Variants in C7orf78 observed in about 807,000 individuals in gnomAD.
The protein encoded by C7orf78 is putative uncharacterized protein C7orf78.
the C7orf78 span, among the ~76,000 whole-genome samples, chr7:12,514,060 G>A: frequency 6.6e-6 from 1 of 152,112 alleles, no homozygotes; most frequent in African/African-American, 2.4e-5. Flanking sequence ...AAAATGTTCT[G>A]TAAATGCCTG....
chr7:12,504,031 TA>T, the C7orf78 span, among the ~76,000 whole-genome samples: 1 of 152,192 alleles, frequency 6.6e-6, no homozygotes, highest in Non-Finnish European at 1.5e-5. Flanking sequence ...TTATTTGTTT[TA>T]AAAAATGTCC....
At chr7:12,494,224 G>C in the C7orf78 span, among the ~76,000 whole-genome samples, 8 of 152,114 alleles carry the variant, frequency 5.3e-5, no homozygotes, top group African/African-American at 1.9e-4. Context: ...CATTTTGCCT[G>C]GGTCCTTTGG....
At chr7:12,503,860 A>G in the C7orf78 span, among the ~76,000 whole-genome samples, 1 of 152,162 alleles carries the variant, frequency 6.6e-6, no homozygotes, top group South Asian at 2.1e-4. Context: ...CTGTAATCCC[A>G]TCAATTTGGG....
At chr7:12,484,428 A>G in the C7orf78 span, among the ~76,000 whole-genome samples, 34,098 of 152,130 alleles carry the variant, frequency 0.22, 4,801 homozygotes, top group East Asian at 0.51. Flanking sequence ...CTAGTTTTCT[A>G]TCTCTGCAAC....
the C7orf78 span, chr7:12,506,099 C>G: frequency 6.6e-6 from 1 of 152,472 alleles, no homozygotes; most frequent in Non-Finnish European, 1.5e-5. Context: ...GAGATATCAT[C>G]TCACACCAGT....
the C7orf78 span, chr7:12,522,841 A>G: frequency 1.3e-5 from 5 of 395,592 alleles, no homozygotes; most frequent in East Asian, 1.1e-4. Flanking sequence ...TCCTCCATAC[A>G]TATTCCCTGT....
the C7orf78 span, among the ~76,000 whole-genome samples, chr7:12,520,864 T>A: frequency 6.6e-6 from 1 of 152,216 alleles, no homozygotes; most frequent in Non-Finnish European, 1.5e-5. Context: ...TATCTCTCCC[T>A]TTAGATCAAA....
At chr7:12,532,548 CAA>C in the C7orf78 span, among the ~76,000 whole-genome samples, 8 of 135,946 alleles carry the variant, frequency 5.9e-5, no homozygotes, top group Non-Finnish European at 6.3e-5. Flanking sequence ...GACTCTGTTT[CAA>C]AAAAAAAAAA....
chr7:12,533,874 C>T, the C7orf78 span, among the ~76,000 whole-genome samples: 1 of 152,160 alleles, frequency 6.6e-6, no homozygotes, highest in Non-Finnish European at 1.5e-5. Flanking sequence ...TTACTGCTGC[C>T]TGTAACACTA....
chr7:12,540,664 T>C, the C7orf78 span, among the ~76,000 whole-genome samples: 1 of 152,200 alleles, frequency 6.6e-6, no homozygotes, highest in Non-Finnish European at 1.5e-5. Context: ...AAAAATAAAT[T>C]TGACCGTTTG....
chr7:12,535,010 G>GGAAGGAAGGAAGGAAGGAAC, the C7orf78 span, among the ~76,000 whole-genome samples: 7 of 150,328 alleles, frequency 4.7e-5, no homozygotes, highest in East Asian at 2.0e-4. Flanking sequence ...AAGGAAGGAA[G>GGAAGGAAGGAAGGAAGGAAC]GAAGGAAGGA....
chr7:12,502,387 A>G, the C7orf78 span, among the ~76,000 whole-genome samples: 8 of 151,074 alleles, frequency 5.3e-5, no homozygotes, highest in African/African-American at 1.7e-4. Flanking sequence ...AATTTACAAG[A>G]AAAAAACAAA....
the C7orf78 span, among the ~76,000 whole-genome samples, chr7:12,537,909 T>C: frequency 1.3e-5 from 2 of 151,988 alleles, no homozygotes; most frequent in African/African-American, 4.8e-5. Flanking sequence ...GTACAATGTA[T>C]ATATATATAC....
chr7:12,494,948 C>A, the C7orf78 span, among the ~76,000 whole-genome samples: 2 of 152,176 alleles, frequency 1.3e-5, no homozygotes, highest in Non-Finnish European at 2.9e-5. Context: ...CAAACAACAC[C>A]TCCACGCACA....
chr7:12,510,657 T>A, the C7orf78 span, among the ~76,000 whole-genome samples: 1 of 152,178 alleles, frequency 6.6e-6, no homozygotes, highest in Admixed American at 6.5e-5. Flanking sequence ...TTTAGAGCAA[T>A]TTTTCATATA....
At chr7:12,541,120 G>T in the C7orf78 span, 1 of 152,160 alleles carries the variant, frequency 6.6e-6, no homozygotes, top group Admixed American at 6.5e-5. Context: ...GTTACCACAG[G>T]GATCAGAATC....
At chr7:12,519,413 A>G in the C7orf78 span, among the ~76,000 whole-genome samples, 1 of 152,188 alleles carries the variant, frequency 6.6e-6, no homozygotes, top group Non-Finnish European at 1.5e-5. Flanking sequence ...TTCTCTATAC[A>G]TAAATCCTAG....
At chr7:12,501,229 A>T in the C7orf78 span, among the ~76,000 whole-genome samples, 1 of 144,456 alleles carries the variant, frequency 6.9e-6, no homozygotes, top group Non-Finnish European at 1.5e-5. Context: ...AGTTCTGGCC[A>T]GGGCAATTAG....
the C7orf78 span, among the ~76,000 whole-genome samples, chr7:12,533,420 C>T: frequency 2.0e-5 from 3 of 151,642 alleles, no homozygotes; most frequent in Non-Finnish European, 2.9e-5. Flanking sequence ...AGGCTGGTCT[C>T]GAACTCCTGA....
Sources: allele counts gnomAD v4.1 joint callset (sites outside exome capture counted in the v4.1 genomes callset), GRCh38; gene constraint gnomAD v4.1.1; transcripts MANE v1.5; gene names NCBI Gene and HGNC (gene_info 2026-07-23, HGNC 2026-07-21).